Variants in KICS2 observed in about 807,000 individuals in gnomAD.
The protein encoded by KICS2 is KICSTOR complex protein C12orf66.
In KICS2, 13 loss-of-function variants were observed where a neutral mutation model predicts 31.4. The ratio of observed to expected loss-of-function variants is 0.41; its 90% confidence interval spans 0.27 to 0.66. The LOEUF is 0.66. KICS2 is among the 30% of genes least tolerant of loss of function. The pLI, the probability that KICS2 is intolerant of heterozygous loss-of-function variation, is 0.28. For synonymous variants in KICS2, 209 were observed against 214.8 expected (o/e 0.97, Z 0.24); for missense variants, 455 against 545.4 (o/e 0.83, Z 1.65).
At chr12:64,201,121 C>G (rs1443145361) in intron 2 of KICS2, among the ~76,000 whole-genome samples, 1 of 146,218 alleles carries the variant, frequency 6.8e-6, no homozygotes, top group African/African-American at 2.6e-5. Context: ...ACCCAAATGA[C>G]TATAAATCAT....
rs553480545 is a variant in KICS2 at position 64,193,615 on chromosome 12, C to T, written c.*227G>A. On this transcript the variant is annotated 3_prime_UTR_variant, in exon 3 of 3. Coordinates refer to ENST00000398055, the MANE Select transcript of KICS2 (RefSeq NM_152440.5). ...AAAATACTGAAACTACTTTGCTGTA[C>T]CATGGAGACACATGGTAGCCCATGA... is the stretch of plus-strand genomic sequence containing the variant. 8.8e-5 allele frequency: 119 copies of T among 1,355,740 alleles called. 1 individual carries two copies. The African/African-American group carries it at 1.4e-3, about 16-fold the overall frequency. The allele number at this position is 1,355,740 out of a possible 1,614,324, so 84.0% of individuals were successfully genotyped here.
chr12:64,194,327 C>A lies in KICS2; in HGVS notation c.853G>T (p.Glu285Ter). 6.2e-7 allele frequency: 1 copy of A among 1,614,184 alleles called. No individual in the cohort carries two copies. The highest frequency in any genetic ancestry group is 8.5e-7 in the Non-Finnish European group (1 of 1,180,036). Residue 285 changes from glutamate (E) to a stop codon, truncating the protein, a stop_gained, in exon 3 of 3, where the codon GAA becomes TAA. Transcript: ENST00000398055. LOFTEE classifies it high-confidence loss of function. ...GCTTTTGCTGTCAACGTTTTCATTT[C>A]TGAAGCAGTCGTTTGTCGGCTCAGA... ...EALSRQTTAS[E>*]MKTLTAKANP...
At chr12:64,221,849 G>T in intron 1 of KICS2, 154 bp downstream of exon 1, 1 of 865,512 alleles carries the variant, frequency 1.2e-6, no homozygotes, top group Non-Finnish European at 1.7e-6. Context: ...GGAAGCCCAG[G>T]GAAGGAAAGG....
chr12:64,193,889 T>G lies in KICS2; in HGVS notation c.1291A>C (p.Lys431Gln), dbSNP rs1419144116. ...SFLNEVSLAL[K>Q]NPKVFASLKP... ...AGACTTGCAAACACTTTGGGGTTCT[T>G]AAGGGCAAGTGAGACCTCATTGAGG... Residue 431 changes from lysine to glutamine, a missense_variant, in exon 3 of 3, where the codon AAG becomes CAG. By Grantham distance (53) the Lys-to-Gln change is moderately conservative (BLOSUM62 1). Coordinates refer to ENST00000398055, the MANE Select transcript of KICS2 (RefSeq NM_152440.5). 1 of 1,614,192 alleles carries G rather than the reference T, an allele frequency of 6.2e-7. No individual in the cohort carries two copies. Among genetic ancestry groups the G allele is most frequent in the Non-Finnish European group, 8.5e-7 (1 of 1,180,040 alleles).
chr12:64,190,037 AC>A (rs1386571689), downstream of KICS2, among the ~76,000 whole-genome samples: 2 of 152,216 alleles, frequency 1.3e-5, no homozygotes, highest in African/African-American at 4.8e-5. Context: ...AAATTTGGGA[AC>A]AAAAAACCAC....
In KICS2 at chr12:64,191,800, T is replaced by C. The variant is rs2037380518; in HGVS notation, c.*2042A>G. On this transcript the variant is annotated 3_prime_UTR_variant, in exon 3 of 3. Transcript: ENST00000398055. ...TTAAAGAAAAAGAAAGGAGGCCAGG[T>C]GCAGTGGCACATGCTTATAAACCCA... 1 of 152,078 alleles carries C rather than the reference T, an allele frequency of 6.6e-6. No homozygotes were observed. Among genetic ancestry groups the C allele is most frequent in the African/African-American group, 2.4e-5 (1 of 41,416 alleles). 9.4% of individuals were successfully genotyped at this position (152,078 alleles called of 1,614,324 possible).
In KICS2 at chr12:64,193,192, C is replaced by G. The variant is rs1592377761; in HGVS notation, c.*650G>C. The G allele has an allele frequency of 1.0e-6, 1 of 985,408 alleles. No homozygotes were observed. Among genetic ancestry groups the G allele is most frequent in the Middle Eastern group, 5.2e-4 (1 of 1,914 alleles). The allele number at this position is 985,408 out of a possible 1,614,324, so 61.0% of individuals were successfully genotyped here. On this transcript the variant is annotated 3_prime_UTR_variant, in exon 3 of 3. Coordinates refer to ENST00000398055, the MANE Select transcript of KICS2 (RefSeq NM_152440.5). ...ATGCAGTTAGGTGTGTACATTACCC[C>G]AAAAGAACCCATGGCTATTAAAGCT...
chr12:64,203,108 T>G (rs1207595580), intron 2 of KICS2, among the ~76,000 whole-genome samples: 1 of 152,100 alleles, frequency 6.6e-6, no homozygotes, highest in African/African-American at 2.4e-5. Flanking sequence ...TTTAAGCTCC[T>G]CCCCAAGCGG....
chr12:64,215,310 C>T (rs879484013), intron 2 of KICS2, among the ~76,000 whole-genome samples: 2 of 151,998 alleles, frequency 1.3e-5, no homozygotes, highest in Non-Finnish European at 2.9e-5. Flanking sequence ...TACAATAATA[C>T]GTATTTTCAT....
chr12:64,210,803 A>T (rs1378632301), intron 2 of KICS2, among the ~76,000 whole-genome samples: 1 of 152,120 alleles, frequency 6.6e-6, no homozygotes, highest in Non-Finnish European at 1.5e-5. Context: ...ATAGGGCACA[A>T]ATCTAATAAA....
At chr12:64,190,935 C>T (rs1258611002), downstream of KICS2, 2 of 152,120 alleles carry the variant, frequency 1.3e-5, no homozygotes, top group Admixed American at 1.3e-4. Context: ...AAGTTACAAA[C>T]CCTGTGTCCA....
rs189603914 is a variant in KICS2 at position 64,212,040 on chromosome 12, A to G, written c.521+3638T>C. ...ATTTTACTTCCAAATAACTCAGGGA[A>G]GTACAATCATATACAGAGAGAGATA... On this transcript the variant is annotated intron_variant, in intron 2 of 2. Transcript: ENST00000398055. 9.2e-5 allele frequency among the ~76,000 whole-genome samples: 14 copies of G among 152,356 alleles called. No homozygotes were observed. The East Asian group carries it at 2.3e-3, about 25-fold the overall frequency.
chr12:64,218,023 G>C (rs1344644159), intron 1 of KICS2, among the ~76,000 whole-genome samples: 1 of 152,202 alleles, frequency 6.6e-6, no homozygotes, highest in Non-Finnish European at 1.5e-5. Flanking sequence ...GCAGGCCACA[G>C]GTTGGACAAG....
intron 2 of KICS2, among the ~76,000 whole-genome samples, chr12:64,196,951 G>A (rs1171263342): frequency 6.9e-6 from 1 of 144,696 alleles, no homozygotes; most frequent in Non-Finnish European, 1.5e-5. Flanking sequence ...GGGACTATGT[G>A]AAAAGACCAA....
chr12:64,214,887 A>G (rs1416879590), intron 2 of KICS2, among the ~76,000 whole-genome samples: 1 of 152,180 alleles, frequency 6.6e-6, no homozygotes, highest in East Asian at 1.9e-4. Context: ...CAGAAACTCT[A>G]AAAGCAATTA....
intron 2 of KICS2, among the ~76,000 whole-genome samples, chr12:64,196,044 A>T (rs1292785824): frequency 6.6e-6 from 1 of 152,282 alleles, no homozygotes; most frequent in South Asian, 2.1e-4. Flanking sequence ...GCCATTGCCC[A>T]GGCTTGATTA....
chr12:64,204,124 C>A (rs990127604), intron 2 of KICS2, among the ~76,000 whole-genome samples: 4 of 152,244 alleles, frequency 2.6e-5, no homozygotes, highest in Admixed American at 1.3e-4. Flanking sequence ...CTAAACACTG[C>A]ATGTTCTCAC....
At position 64,194,024 on chromosome 12, in the gene KICS2, C is replaced by A; in HGVS notation, c.1156G>T (p.Asp386Tyr). The change falls in exon 3 of 3, where the codon GAT (aspartate) becomes TAT (tyrosine). Residue 386 changes from aspartate (D) to tyrosine (Y), a missense_variant. Asp to Tyr is a radical substitution (Grantham distance 160). Coordinates refer to ENST00000398055, the MANE Select transcript of KICS2 (RefSeq NM_152440.5). The stretch of plus-strand genomic sequence containing the variant: ...AAGTAGGTACTCTGAACTTTGTCAT[C>A]ATAGAAGTGGACCACTTTCTCCAAG... ...NSLEKVVHFY[D>Y]DKVQSTYFLT... 2.5e-6 allele frequency: 4 copies of A among 1,614,170 alleles called. No individual in the cohort carries two copies. Among genetic ancestry groups the A allele is most frequent in the Non-Finnish European group, 3.4e-6 (4 of 1,180,034 alleles).
Position 64,194,615 on chromosome 12 carries a change from G to A in KICS2, c.565C>T (p.Leu189=), listed in dbSNP as rs760097293. The A allele has an allele frequency of 3.1e-6, 5 of 1,613,938 alleles. No homozygotes were observed. The highest frequency in any genetic ancestry group is 2.7e-5 in the African/African-American group (2 of 74,910). ...AGATGACACAGGACGTCAACTTCCAGCTGGAAACTGCTTTCCAAAGGACTG... is the reference window on the plus strand; with the variant it reads ...AGATGACACAGGACGTCAACTTCCAACTGGAAACTGCTTTCCAAAGGACTG... ...ILSPLESSFQ[L]EVDVLCHLLK... The change falls in exon 3 of 3, where the codon CTG becomes TTG. Residue 189 remains leucine (L), a synonymous_variant. Transcript: ENST00000398055.
Sources: gnomAD v4.1 joint callset for allele counts (sites outside exome capture counted in the v4.1 genomes callset) on GRCh38, gnomAD v4.1.1 for gene constraint, MANE v1.5 for transcripts, NCBI Gene and HGNC (gene_info 2026-07-23, HGNC 2026-07-21) for gene names.